Variants in GLRA3 observed in about 807,000 individuals in gnomAD.
GLRA3 encodes the protein glycine receptor subunit alpha-3.
In GLRA3, 44 loss-of-function variants were observed where a neutral mutation model predicts 60.4. The ratio of observed to expected loss-of-function variants is 0.73; its 90% CI spans 0.57 to 0.94. The LOEUF (loss-of-function observed/expected upper bound fraction) is 0.94. Ranked by LOEUF, GLRA3 falls within the 40% of genes least tolerant of loss-of-function variation. GLRA3 has a pLI of 0.00. For synonymous variants in GLRA3, 223 were observed against 192.9 expected (o/e 1.16, Z -1.29); for missense variants, 508 against 564.6 (o/e 0.90, Z 1.02).
At chr4:174,736,564 C>T (rs986542683) in intron 3 of GLRA3, among the ~76,000 whole-genome samples, 2 of 152,152 alleles carry the variant, frequency 1.3e-5, no homozygotes, top group African/African-American at 4.8e-5. Context: ...AATAGAATCA[C>T]ACTATACGTG....
At chr4:174,698,983 C>CAG (rs1191369401) in intron 5 of GLRA3, among the ~76,000 whole-genome samples, 1 of 151,328 alleles carries the variant, frequency 6.6e-6, no homozygotes, top group Non-Finnish European at 1.5e-5. Flanking sequence ...TCTCAGGTCT[C>CAG]AGAAGCTTAT....
At chr4:174,720,800 C>T (rs771670525) in intron 4 of GLRA3, among the ~76,000 whole-genome samples, 4 of 152,102 alleles carry the variant, frequency 2.6e-5, no homozygotes, top group African/African-American at 4.8e-5. Context: ...GGGAAACAAA[C>T]TCTAGTTTTC....
At chr4:174,790,381 A>ATTTT (rs549284627) in intron 1 of GLRA3, among the ~76,000 whole-genome samples, 1 of 148,748 alleles carries the variant, frequency 6.7e-6, no homozygotes, top group African/African-American at 2.5e-5. Flanking sequence ...AATAATAAAT[A>ATTTT]TATTTTTTTA....
At chr4:174,670,205 C>T (rs779447903) in intron 7 of GLRA3, among the ~76,000 whole-genome samples, 18 of 152,030 alleles carry the variant, frequency 1.2e-4, no homozygotes, top group South Asian at 2.1e-4. Context: ...TTTTGATCTA[C>T]TCAGGCTAAA....
intron 5 of GLRA3, among the ~76,000 whole-genome samples, chr4:174,702,959 G>C (rs1290473778): frequency 6.6e-6 from 1 of 152,094 alleles, no homozygotes. Flanking sequence ...TAGCAGGCCT[G>C]GTGACTGGAA....
intron 7 of GLRA3, among the ~76,000 whole-genome samples, chr4:174,667,482 T>C (rs1167880799): frequency 6.6e-6 from 1 of 152,130 alleles, no homozygotes; most frequent in Admixed American, 6.6e-5. Context: ...AATTAGGGTA[T>C]GACAAAGAAT....
At chr4:174,695,863 C>T (rs1232815527) in intron 5 of GLRA3, among the ~76,000 whole-genome samples, 1 of 152,042 alleles carries the variant, frequency 6.6e-6, no homozygotes, top group African/African-American at 2.4e-5. Context: ...TCAAAAGTTC[C>T]TCCAGCTGAT....
intron 5 of GLRA3, among the ~76,000 whole-genome samples, chr4:174,695,314 G>C (rs1735007209): frequency 6.6e-6 from 1 of 152,058 alleles, no homozygotes; most frequent in Non-Finnish European, 1.5e-5. Context: ...CAATATCCTT[G>C]AAGAACATCG....
rs757661929 is a variant in GLRA3 at position 174,706,231 on chromosome 4, G to GA, written c.574+9256dup. Among the ~76,000 whole-genome samples the GA allele has an allele frequency of 4.1e-3, 520 of 125,592 alleles. 2 individuals are homozygous for GA. The highest frequency in any genetic ancestry group is 0.012 in the South Asian group (49 of 3,978). 82.4% of individuals were successfully genotyped at this position (125,592 alleles called of 152,430 possible). ...GGCGAAAGGGCGAGACTCCGTCTCAGAAAAAAAAAAGAAAAAAAAAATGTT... is the reference window on the plus strand; with the variant it reads ...GGCGAAAGGGCGAGACTCCGTCTCAGAAAAAAAAAAAGAAAAAAAAAATGTT... On this transcript the variant is annotated intron_variant, in intron 5 of 9. Transcript: ENST00000274093.
chr4:174,828,876 A>C lies in GLRA3; in HGVS notation c.-65T>G. On this transcript the variant is annotated 5_prime_UTR_variant, in exon 1 of 10. Transcript: ENST00000274093. ...CCAAGGCATGGGGAACCAGAAAGACAGAATGAAAATGTACAATCTAACCCC... is the reference window on the plus strand; with the variant it reads ...CCAAGGCATGGGGAACCAGAAAGACCGAATGAAAATGTACAATCTAACCCC... 9.0e-7 allele frequency: 1 copy of C among 1,116,768 alleles called. No individual in the cohort carries two copies. Among genetic ancestry groups the C allele is most frequent in the Non-Finnish European group, 1.4e-6 (1 of 726,454 alleles). The allele number at this position is 1,116,768 out of a possible 1,614,324, so 69.2% of individuals were successfully genotyped here. A position where few individuals can be genotyped will look rare whatever the true frequency, so the allele number is the denominator to read the frequency against.
intron 2 of GLRA3, among the ~76,000 whole-genome samples, chr4:174,767,473 A>AC (rs1374108630): frequency 4.0e-5 from 6 of 151,766 alleles, no homozygotes; most frequent in African/African-American, 1.2e-4. Context: ...AGGCCTTCCC[A>AC]CCTCCAATCC....
chr4:174,828,114 T>C (rs1201998074), intron 1 of GLRA3, among the ~76,000 whole-genome samples: 1 of 152,170 alleles, frequency 6.6e-6, no homozygotes, highest in Non-Finnish European at 1.5e-5. Flanking sequence ...CATAGAACAA[T>C]TTCATAGTTT....
intron 1 of GLRA3, among the ~76,000 whole-genome samples, chr4:174,796,436 T>A (rs1739571502): frequency 6.6e-6 from 1 of 152,252 alleles, no homozygotes; most frequent in African/African-American, 2.4e-5. Context: ...CAATTGATTT[T>A]ACTTTTAAAG....
chr4:174,669,294 TAATA>T (rs1733813143), intron 7 of GLRA3, among the ~76,000 whole-genome samples: 1 of 151,706 alleles, frequency 6.6e-6, no homozygotes, highest in South Asian at 2.1e-4. Flanking sequence ...CAAAAGAAAA[TAATA>T]AATAATGTTT....
intron 3 of GLRA3, 23 bp from the exon 4 acceptor site, chr4:174,728,721 A>AC: frequency 7.3e-7 from 1 of 1,372,426 alleles, no homozygotes; most frequent in Non-Finnish European, 9.9e-7. Flanking sequence ...AATGAAAGAA[A>AC]GAAAAAAAAA....
chr4:174,698,204 T>C (rs919097419), intron 5 of GLRA3, among the ~76,000 whole-genome samples: 1 of 152,098 alleles, frequency 6.6e-6, no homozygotes, highest in Non-Finnish European at 1.5e-5. Flanking sequence ...ATTTATATAT[T>C]TTTTAGAGAT....
intron 8 of GLRA3, among the ~76,000 whole-genome samples, chr4:174,657,736 G>T: frequency 6.6e-6 from 1 of 152,174 alleles, no homozygotes; most frequent in East Asian, 1.9e-4. Flanking sequence ...ACCAGGGTGA[G>T]GTGAGGGAAG....
intron 1 of GLRA3, among the ~76,000 whole-genome samples, chr4:174,807,879 C>A (rs1287805924): frequency 1.3e-5 from 2 of 152,200 alleles, no homozygotes; most frequent in South Asian, 4.1e-4. Context: ...CTGGAAAAAT[C>A]TTTGAGAAAA....
chr4:174,798,395 A>G (rs1196345974), intron 1 of GLRA3, among the ~76,000 whole-genome samples: 1 of 152,246 alleles, frequency 6.6e-6, no homozygotes, highest in African/African-American at 2.4e-5. Flanking sequence ...TTTGAAAAAT[A>G]AGATACAGAA....
Sources: gnomAD v4.1 joint callset for allele counts (sites outside exome capture counted in the v4.1 genomes callset) on GRCh38, gnomAD v4.1.1 for gene constraint, MANE v1.5 for transcripts, NCBI Gene and HGNC (gene_info 2026-07-23, HGNC 2026-07-21) for gene names.